The following CFAP299 variants were observed in gnomAD, a reference collection of about 807,000 sequenced individuals.
CFAP299 encodes cilia and flagella associated protein 299.
Under a neutral mutation model 27.0 loss-of-function variants are expected in CFAP299, and 21 were observed. The ratio of observed to expected loss-of-function variants is 0.78; its 90% CI spans 0.55 to 1.12. The LOEUF (loss-of-function observed/expected upper bound fraction) is 1.12. Among genes scored for constraint, CFAP299 ranks in the 50% most tolerant of loss-of-function variants. The pLI is 0.00. For missense variants in CFAP299, 310 were observed against 276.6 expected (o/e 1.12, Z -0.86); for synonymous variants, 104 against 98.1 (o/e 1.06, Z -0.36).
At chr4:80,913,122 G>A (rs1258870711) in intron 4 of CFAP299, among the ~76,000 whole-genome samples, 3 of 152,088 alleles carry the variant, frequency 2.0e-5, no homozygotes, top group African/African-American at 7.2e-5. Flanking sequence ...TGCATCTAAG[G>A]ACATTACTGT....
chr4:80,530,448 T>C (rs941288489), intron 2 of CFAP299, among the ~76,000 whole-genome samples: 1 of 152,192 alleles, frequency 6.6e-6, no homozygotes, highest in Non-Finnish European at 1.5e-5. Context: ...CAAGCCATTT[T>C]ATTTTTTACT....
intron 2 of CFAP299, among the ~76,000 whole-genome samples, chr4:80,434,910 A>G (rs1363472285): frequency 6.6e-6 from 1 of 152,216 alleles, no homozygotes; most frequent in East Asian, 1.9e-4. Context: ...AACATTAGGG[A>G]AAATCACAGG....
At chr4:80,761,457 T>C (rs1389069365) in intron 3 of CFAP299, among the ~76,000 whole-genome samples, 2 of 152,106 alleles carry the variant, frequency 1.3e-5, no homozygotes, top group Admixed American at 1.3e-4. Flanking sequence ...TAGTTATTAA[T>C]AGCATGGTTG....
intron 3 of CFAP299, among the ~76,000 whole-genome samples, chr4:80,623,506 C>T (rs1459036231): frequency 6.6e-6 from 1 of 152,128 alleles, no homozygotes; most frequent in African/African-American, 2.4e-5. Flanking sequence ...GACAACTATC[C>T]ATACACAAAA....
rs376788711 is a variant in CFAP299, at chr4:80,363,657, T to C, written c.242+773T>C. On this transcript the variant is annotated intron_variant, in intron 2 of 5. Transcript: ENST00000358105. ...GGAATGTGCTTTGGTCTTGGGAATA[T>C]GCAATTAGAAGTGGCCATTCTAATG... Among the ~76,000 whole-genome samples, 4 of 152,326 alleles carry C rather than the reference T, an allele frequency of 2.6e-5. No homozygotes were observed. In the East Asian group the frequency reaches 5.8e-4, roughly 22 times the overall value.
intron 2 of CFAP299, among the ~76,000 whole-genome samples, chr4:80,393,301 T>C (rs754476057): frequency 2.0e-5 from 3 of 152,144 alleles, no homozygotes; most frequent in African/African-American, 4.8e-5. Flanking sequence ...GTTTATAAAA[T>C]AAAAAGTTAC....
At chr4:80,795,378 G>A (rs1453801063) in intron 3 of CFAP299, among the ~76,000 whole-genome samples, 1 of 152,158 alleles carries the variant, frequency 6.6e-6, no homozygotes, top group African/African-American at 2.4e-5. Context: ...TCTGCCCACT[G>A]GGAATATTTC....
intron 2 of CFAP299, among the ~76,000 whole-genome samples, chr4:80,396,584 A>T (rs1347347258): frequency 2.6e-5 from 4 of 152,194 alleles, no homozygotes; most frequent in Admixed American, 2.6e-4. Flanking sequence ...CAAGGTGATT[A>T]TAAGTGAGCT....
At chr4:80,831,479 C>G (rs904661576) in intron 3 of CFAP299, among the ~76,000 whole-genome samples, 1 of 151,946 alleles carries the variant, frequency 6.6e-6, no homozygotes, top group Admixed American at 6.6e-5. Flanking sequence ...TATGAGCAAC[C>G]ATTATATTCA....
At chr4:80,323,392 A>C in the CFAP299 span, among the ~76,000 whole-genome samples, 1 of 152,258 alleles carries the variant, frequency 6.6e-6, no homozygotes, top group Non-Finnish European at 1.5e-5. Context: ...TCTTCAGTAC[A>C]GAAAGTAAGA....
intron 3 of CFAP299, among the ~76,000 whole-genome samples, chr4:80,685,180 A>C (rs1377787628): frequency 6.6e-6 from 1 of 152,200 alleles, no homozygotes; most frequent in Non-Finnish European, 1.5e-5. Context: ...CTGGCCCCAC[A>C]CATGCACCTA....
intron 3 of CFAP299, among the ~76,000 whole-genome samples, chr4:80,776,379 T>C (rs917986275): frequency 1.3e-5 from 2 of 152,104 alleles, no homozygotes; most frequent in African/African-American, 2.4e-5. Context: ...ACGAACTCCA[T>C]AGTAGTACAT....
At chr4:80,698,474 C>T (rs1349439836) in intron 3 of CFAP299, among the ~76,000 whole-genome samples, 2 of 152,100 alleles carry the variant, frequency 1.3e-5, no homozygotes, top group South Asian at 2.1e-4. Context: ...ACTTTTTCTG[C>T]GTTTTTATTA....
At chr4:80,536,288 T>G (rs1371069050) in intron 2 of CFAP299, among the ~76,000 whole-genome samples, 1 of 152,172 alleles carries the variant, frequency 6.6e-6, no homozygotes, top group Non-Finnish European at 1.5e-5. Flanking sequence ...ACTAAGTGGT[T>G]TCCAGTAGTG....
chr4:80,409,874 G>A (rs750375500), intron 2 of CFAP299, among the ~76,000 whole-genome samples: 2 of 152,166 alleles, frequency 1.3e-5, no homozygotes, highest in Admixed American at 1.3e-4. Flanking sequence ...TCAAGAGAGG[G>A]ATACAGAAGT....
At chr4:80,791,671 T>C (rs542696308) in intron 3 of CFAP299, among the ~76,000 whole-genome samples, 1 of 152,034 alleles carries the variant, frequency 6.6e-6, no homozygotes, top group African/African-American at 2.4e-5. Context: ...CCTAAATATG[T>C]GCAAGCTGAG....
intron 3 of CFAP299, 97 bp from the exon 4 acceptor site, chr4:80,869,896 C>A: frequency 3.5e-6 from 4 of 1,139,070 alleles, no homozygotes; most frequent in South Asian, 3.8e-5. Context: ...TTCCTATGGT[C>A]ACTCATATTA....
At chr4:80,616,017 G>GA (rs2109924311) in intron 3 of CFAP299, among the ~76,000 whole-genome samples, 1 of 152,254 alleles carries the variant, frequency 6.6e-6, no homozygotes, top group African/African-American at 2.4e-5. Context: ...CTCACTCTAA[G>GA]AAAACAGAAC....
chr4:80,897,883 G>T (rs922366186), intron 4 of CFAP299, among the ~76,000 whole-genome samples: 1 of 152,082 alleles, frequency 6.6e-6, no homozygotes, highest in Non-Finnish European at 1.5e-5. Context: ...ACCTCTTCAC[G>T]GGCCTCACAA....
Sources: allele counts gnomAD v4.1 joint callset (sites outside exome capture counted in the v4.1 genomes callset), GRCh38; gene constraint gnomAD v4.1.1; transcripts MANE v1.5; gene names NCBI Gene and HGNC (gene_info 2026-07-23, HGNC 2026-07-21).